Variants in TNS4 observed in about 807,000 individuals in gnomAD.
TNS4 encodes the protein tensin 4.
Under a neutral mutation model 70.4 loss-of-function variants are expected in TNS4, and 46 were observed. The ratio of observed to expected loss-of-function variants is 0.65; its 90% confidence interval spans 0.52 to 0.84. TNS4 has a LOEUF of 0.84. Among genes scored for constraint, TNS4 ranks in the 40% least tolerant of loss-of-function variants. The pLI is 0.00. For missense variants in TNS4, 863 were observed against 907.0 expected (o/e 0.95, Z 0.62); for synonymous variants, 390 against 366.6 (o/e 1.06, Z -0.73).
intron 1 of TNS4, among the ~76,000 whole-genome samples, chr17:40,501,264 T>C (rs1171924524): frequency 2.6e-5 from 4 of 152,044 alleles, no homozygotes; most frequent in Non-Finnish European, 5.9e-5. Flanking sequence ...CTGGCCAACA[T>C]GGTGAAACCG....
At chr17:40,484,724 T>A in intron 5 of TNS4, 115 bp from the exon 6 acceptor site, 1 of 1,502,526 alleles carries the variant, frequency 6.7e-7, no homozygotes, top group Non-Finnish European at 9.0e-7. Flanking sequence ...CCCCAGGAAG[T>A]CCTTTGTACT....
intron 8 of TNS4, chr17:40,481,000 C>T: frequency 1.9e-6 from 1 of 519,706 alleles, no homozygotes; most frequent in African/African-American, 2.0e-5. Flanking sequence ...TCCTCGCCCC[C>T]CCACCTCTTA....
Position 40,476,326 on chromosome 17 carries a change from G to A in TNS4, c.*1262C>T, listed in dbSNP as rs1021015497. ...GCATTCTTGACTCTCTGCTTCCCCCGTGTGGCTGTGAGGCTGGTTGAAGCC... is the reference window on the plus strand; with the variant it reads ...GCATTCTTGACTCTCTGCTTCCCCCATGTGGCTGTGAGGCTGGTTGAAGCC... On this transcript the variant is annotated 3_prime_UTR_variant, in exon 13 of 13. Coordinates refer to ENST00000254051, the MANE Select transcript of TNS4 (RefSeq NM_032865.6). 5 of 152,096 alleles carry A rather than the reference G, an allele frequency of 3.3e-5. No homozygotes were observed. Among genetic ancestry groups the A allele is most frequent in the Admixed American group, 6.6e-5 (1 of 15,162 alleles). 9.4% of individuals were successfully genotyped at this position (152,096 alleles called of 1,614,324 possible).
chr17:40,489,540 G>A (rs1166505485), intron 2 of TNS4, among the ~76,000 whole-genome samples: 2 of 152,106 alleles, frequency 1.3e-5, no homozygotes, highest in Non-Finnish European at 2.9e-5. Flanking sequence ...GGGCGCGGTG[G>A]CTCACACCTG....
chr17:40,492,646 G>A (rs907911711), intron 2 of TNS4, among the ~76,000 whole-genome samples: 2 of 142,792 alleles, frequency 1.4e-5, no homozygotes, highest in African/African-American at 5.2e-5. Flanking sequence ...TATGGCTCAT[G>A]CCTGTAATCC....
chr17:40,478,687 C>G (rs902810382), intron 10 of TNS4, 39 bp from the exon 11 acceptor site: 1 of 1,602,998 alleles, frequency 6.2e-7, no homozygotes, highest in Non-Finnish European at 8.5e-7. Flanking sequence ...CGATGACAGC[C>G]TGTCCCAGTG....
chr17:40,481,184 A>G (rs914625394), intron 8 of TNS4, among the ~76,000 whole-genome samples: 2 of 152,064 alleles, frequency 1.3e-5, no homozygotes, highest in African/African-American at 2.4e-5. Flanking sequence ...CTTCTCCTGC[A>G]CACCCCTGAG....
intron 4 of TNS4, among the ~76,000 whole-genome samples, chr17:40,486,522 G>A (rs797011756): frequency 1.2e-3 from 188 of 150,442 alleles, no homozygotes; most frequent in African/African-American, 4.5e-3. Flanking sequence ...TTGCTTAAAA[G>A]GCAAATTCCA....
chr17:40,488,282 A>G (rs2036018198), intron 3 of TNS4, among the ~76,000 whole-genome samples: 1 of 152,190 alleles, frequency 6.6e-6, no homozygotes, highest in Non-Finnish European at 1.5e-5. Flanking sequence ...GAGGGCTGGA[A>G]AGGATATAGA....
chr17:40,478,955 C>T (rs555059811), intron 10 of TNS4, among the ~76,000 whole-genome samples: 2 of 152,290 alleles, frequency 1.3e-5, no homozygotes, highest in Non-Finnish European at 2.9e-5. Flanking sequence ...TTGGTCATCT[C>T]TTGTTTCTCC....
chr17:40,484,518 C>A lies in TNS4; in HGVS notation c.1467G>T (p.Val489=). Residue 489 remains valine, a synonymous_variant, in exon 6 of 13, where the codon GTG becomes GTT. Transcript: ENST00000254051. ...TCTGAGCAGACGCGGGAACCTCCTGCACCTTCAGGGCCAGGCCGAAGGAGC... is the reference window on the plus strand; with the variant it reads ...TCTGAGCAGACGCGGGAACCTCCTGAACCTTCAGGGCCAGGCCGAAGGAGC... ...YRGSFGLALK[V]QEVPASAQSR... is the part of the protein sequence containing the mutation. 3.7e-6 allele frequency: 6 copies of A among 1,612,420 alleles called. No individual in the cohort carries two copies. The highest frequency in any genetic ancestry group is 5.1e-6 in the Non-Finnish European group (6 of 1,179,996).
chr17:40,496,225 C>A lies in TNS4; in HGVS notation c.201G>T (p.Gln67His). 2 of 1,596,378 alleles carry A rather than the reference C, an allele frequency of 1.3e-6. No individual in the cohort carries two copies. Among genetic ancestry groups the A allele is most frequent in the South Asian group, 1.1e-5 (1 of 88,448 alleles). Residue 67 changes from glutamine to histidine, a missense_variant, in exon 2 of 13, where the codon CAG becomes CAT. By Grantham distance (24) the Gln-to-His change is conservative. Transcript: ENST00000254051. ...CTTTGGCCTCCACCTGTGGGGCTTG[C>A]TGGAGTCGGCCAGGGGGCCCCATGC... is the stretch of plus-strand genomic sequence containing the variant. ...VPCMGPPGRL[Q>H]QAPQVEAKAT...
Position 40,480,839 on chromosome 17 carries a change from C to G in TNS4, c.1673-71G>C. On this transcript the variant is annotated intron_variant, in intron 8 of 12. Coordinates refer to ENST00000254051, the MANE Select transcript of TNS4 (RefSeq NM_032865.6). ...AGTGAATGGACCCCTCTCACAGGAA[C>G]AGGCCTCATGAATCCCTTTGAAGAT... is the stretch of plus-strand genomic sequence containing the variant. 9 of 1,531,708 alleles carry G rather than the reference C, an allele frequency of 5.9e-6. 1 individual carries two copies. The highest frequency in any genetic ancestry group is 1.2e-5 in the South Asian group (1 of 84,928). 94.9% of individuals were successfully genotyped at this position (1,531,708 alleles called of 1,614,324 possible).
chr17:40,481,590 T>C (rs2035922316), intron 8 of TNS4, among the ~76,000 whole-genome samples: 1 of 152,222 alleles, frequency 6.6e-6, no homozygotes, highest in Admixed American at 6.5e-5. Context: ...GGTTTCGAAC[T>C]CCTGACCTCA....
chr17:40,476,698 C>G lies in TNS4; in HGVS notation c.*890G>C, dbSNP rs1405711933. ...TGGCCAACATGGTGAAACCCTGTCT[C>G]TACTAAAAATACAAAATTAGCTGGG... On this transcript the variant is annotated 3_prime_UTR_variant, in exon 13 of 13. Coordinates refer to ENST00000254051, the MANE Select transcript of TNS4 (RefSeq NM_032865.6). 2.0e-5 allele frequency: 3 copies of G among 151,932 alleles called. No individual in the cohort carries two copies. Among genetic ancestry groups the G allele is most frequent in the African/African-American group, 7.3e-5 (3 of 41,320 alleles). The allele number at this position is 151,932 out of a possible 1,614,324, so 9.4% of individuals were successfully genotyped here.
chr17:40,493,904 C>T (rs982035287), intron 2 of TNS4, among the ~76,000 whole-genome samples: 2 of 152,272 alleles, frequency 1.3e-5, no homozygotes, highest in Admixed American at 6.5e-5. Context: ...GGGGCATGAA[C>T]GGTAAAACCC....
chr17:40,483,591 G>T (rs560883679), intron 6 of TNS4, among the ~76,000 whole-genome samples: 1 of 152,112 alleles, frequency 6.6e-6, no homozygotes, highest in African/African-American at 2.4e-5. Context: ...CTGGAGCCAC[G>T]CTGGCCCCGG....
Position 40,488,739 on chromosome 17 carries a change from G to T in TNS4, c.670C>A (p.Arg224=), listed in dbSNP as rs761851227. 3.1e-6 allele frequency: 5 copies of T among 1,596,332 alleles called. No individual in the cohort carries two copies. The African/African-American group carries it at 5.4e-5, about 17-fold the overall frequency. The part of the protein sequence containing the change: ...PLPPSEGLSP[R]PPNSPSISIP... ...GAGATGCTGGGGGAATTTGGGGGTC[G>T]AGGGGAGAGACCCTCTGAGGGGGGC... Residue 224 remains arginine, a synonymous_variant, in exon 3 of 13, where the codon CGA becomes AGA. Coordinates refer to ENST00000254051, the MANE Select transcript of TNS4 (RefSeq NM_032865.6).
Position 40,487,477 on chromosome 17 carries a change from TCAGA to T in TNS4, c.864-21_864-18del. ...GACTGGCTGCTGCAGCGGGAGAGAG[TCAGA>T]CAGGGTGTTAGGGCAACAGGTGGCT... On this transcript the variant is annotated intron_variant, in intron 3 of 12. Coordinates refer to ENST00000254051, the MANE Select transcript of TNS4 (RefSeq NM_032865.6). 1 of 1,586,118 alleles carries T rather than the reference TCAGA, an allele frequency of 6.3e-7. No homozygotes were observed. The highest frequency in any genetic ancestry group is 1.7e-5 in the Admixed American group (1 of 58,744).
Sources: allele counts gnomAD v4.1 joint callset (sites outside exome capture counted in the v4.1 genomes callset), GRCh38; gene constraint gnomAD v4.1.1; transcripts MANE v1.5; gene names NCBI Gene and HGNC (gene_info 2026-07-23, HGNC 2026-07-21).